Variants in ENDOD1 observed in about 807,000 individuals in gnomAD.
ENDOD1 encodes the protein endonuclease domain containing 1.
A neutral mutation model predicts 6.5 loss-of-function variants in ENDOD1; 9 were observed. That is an observed-to-expected ratio of 1.39 (90% CI 0.84 to 2.43). The LOEUF (loss-of-function observed/expected upper bound fraction) is 2.43, where lower values mean the gene tolerates loss of function less well. Among genes scored for constraint, ENDOD1 ranks in the 30% most tolerant of loss-of-function variants. The pLI, the probability that ENDOD1 is intolerant of heterozygous loss-of-function variation, is 0.00. For synonymous variants in ENDOD1, 255 were observed against 255.2 expected (o/e 1.00, Z 0.01); for missense variants, 648 against 635.5 (o/e 1.02, Z -0.21).
chr11:95,129,184 A>G lies in ENDOD1; in HGVS notation c.1108A>G (p.Asn370Asp), dbSNP rs1859344642. The change falls in exon 2 of 2, where the codon AAT (asparagine) becomes GAT (aspartate). Residue 370 changes from asparagine to aspartate, a missense_variant. Transcript: ENST00000278505. Reference sequence around the variant, plus strand: ...GTGGTGTGTTACCAAGCAGGTGATTAATGGCATAGAAAGTTGCCTTTACCG... The same window carrying G: ...GTGGTGTGTTACCAAGCAGGTGATTGATGGCATAGAAAGTTGCCTTTACCG... ...FLWCVTKQVI[N>D]GIESCLYRLG... 1.2e-6 allele frequency: 2 copies of G among 1,614,060 alleles called. No individual in the cohort carries two copies. The highest frequency in any genetic ancestry group is 2.2e-5 in the East Asian group (1 of 44,892).
intron 1 of ENDOD1, among the ~76,000 whole-genome samples, chr11:95,121,491 A>C (rs745726564): frequency 6.6e-6 from 1 of 152,232 alleles, no homozygotes; most frequent in Non-Finnish European, 1.5e-5. Flanking sequence ...CTCCTCTTGC[A>C]GTGCTAGTCA....
At position 95,132,356 on chromosome 11, in the gene ENDOD1, A is replaced by T. The variant is rs1001695772; in HGVS notation, c.*2777A>T. 6.6e-6 allele frequency: 1 copy of T among 152,648 alleles called. No homozygotes were observed. The highest frequency in any genetic ancestry group is 2.4e-5 in the African/African-American group (1 of 41,448). 9.5% of individuals were successfully genotyped at this position (152,648 alleles called of 1,614,324 possible). A position where few individuals can be genotyped will look rare whatever the true frequency, so the allele number is the denominator to read the frequency against. Reference sequence around the variant, plus strand: ...TCAGTCATTCGTTCATCTGTCAAACACGTATTTGGACATCAAGGTTGCAGA... The same window carrying T: ...TCAGTCATTCGTTCATCTGTCAAACTCGTATTTGGACATCAAGGTTGCAGA... On this transcript the variant is annotated 3_prime_UTR_variant, in exon 2 of 2. Transcript: ENST00000278505.
chr11:95,102,911 C>CA (rs1298525405), intron 1 of ENDOD1, among the ~76,000 whole-genome samples: 4 of 152,088 alleles, frequency 2.6e-5, no homozygotes, highest in Non-Finnish European at 5.9e-5. Flanking sequence ...TGGACTTTCC[C>CA]AGTTTTCAGA....
At chr11:95,109,220 T>A (rs112864198) in intron 1 of ENDOD1, among the ~76,000 whole-genome samples, 80 of 152,344 alleles carry the variant, frequency 5.3e-4, no homozygotes, top group African/African-American at 1.9e-3. Flanking sequence ...TACATGTGCT[T>A]ATCTAGCCTC....
intron 1 of ENDOD1, among the ~76,000 whole-genome samples, chr11:95,107,179 C>CTT (rs148502127): frequency 8.6e-5 from 13 of 150,440 alleles, no homozygotes; most frequent in African/African-American, 2.2e-4. Context: ...TGGAGGGGAA[C>CTT]TTTTTTTTTA....
At chr11:95,104,316 C>T (rs1387799287) in intron 1 of ENDOD1, among the ~76,000 whole-genome samples, 3 of 152,102 alleles carry the variant, frequency 2.0e-5, no homozygotes, top group African/African-American at 7.2e-5. Context: ...GGCATGGTGG[C>T]ACATGCCTGT....
intron 1 of ENDOD1, among the ~76,000 whole-genome samples, chr11:95,123,815 A>G (rs893393345): frequency 2.6e-5 from 4 of 152,182 alleles, no homozygotes; most frequent in African/African-American, 7.2e-5. Flanking sequence ...TGGTGGTTCC[A>G]TATTTGCTCT....
chr11:95,121,649 C>T (rs1386137580), intron 1 of ENDOD1, among the ~76,000 whole-genome samples: 1 of 152,122 alleles, frequency 6.6e-6, no homozygotes, highest in Non-Finnish European at 1.5e-5. Flanking sequence ...AAAAAAACTA[C>T]CTATGGATTT....
Position 95,131,247 on chromosome 11 carries a change from A to G in ENDOD1, c.*1668A>G, listed in dbSNP as rs1361620977. The G allele has an allele frequency of 6.6e-6, 1 of 152,206 alleles. No homozygotes were observed. The highest frequency in any genetic ancestry group is 2.4e-5 in the African/African-American group (1 of 41,438). The allele number at this position is 152,206 out of a possible 1,614,324, so 9.4% of individuals were successfully genotyped here. A position where few individuals can be genotyped will look rare whatever the true frequency, so the allele number is the denominator to read the frequency against. On this transcript the variant is annotated 3_prime_UTR_variant, in exon 2 of 2. Coordinates refer to ENST00000278505, the MANE Select transcript of ENDOD1 (RefSeq NM_015036.3). ...GCTTAGCTAAGAAACTTAAAGCAGT[A>G]TTTTACCAACTCTTGTCTTAGGGAG...
chr11:95,096,249 T>TTTTTTG (rs1858983765), intron 1 of ENDOD1, among the ~76,000 whole-genome samples: 1 of 146,738 alleles, frequency 6.8e-6, no homozygotes, highest in Non-Finnish European at 1.5e-5. Context: ...TTTTTTTTTT[T>TTTTTTG]TTTCAAATTT....
chr11:95,106,397 G>C (rs1859089609), intron 1 of ENDOD1, among the ~76,000 whole-genome samples: 1 of 152,300 alleles, frequency 6.6e-6, no homozygotes, highest in Admixed American at 6.5e-5. Context: ...GATGAGTGGG[G>C]GGATTGACCT....
Position 95,129,774 on chromosome 11 carries a change from G to A in ENDOD1, c.*195G>A. ...AATGCTCAGGGTGAGATTAGGTGTA[G>A]TAATCTGCTGTTTACCTCCAGTTAT... On this transcript the variant is annotated 3_prime_UTR_variant, in exon 2 of 2. Transcript: ENST00000278505. The A allele has an allele frequency of 5.0e-6, 3 of 598,182 alleles. No individual in the cohort carries two copies. Among genetic ancestry groups the A allele is most frequent in the Non-Finnish European group, 8.7e-6 (3 of 345,362 alleles). The allele number at this position is 598,182 out of a possible 1,614,324, so 37.1% of individuals were successfully genotyped here. A position where few individuals can be genotyped will look rare whatever the true frequency, so the allele number is the denominator to read the frequency against.
intron 1 of ENDOD1, among the ~76,000 whole-genome samples, chr11:95,118,850 A>C (rs1030162921): frequency 1.3e-5 from 2 of 151,750 alleles, no homozygotes; most frequent in Admixed American, 6.6e-5. Flanking sequence ...ATTGTTTTTT[A>C]TTCTTTTTCT....
At position 95,129,394 on chromosome 11, in the gene ENDOD1, T is replaced by G; in HGVS notation, c.1318T>G (p.Phe440Val). 1 of 1,614,216 alleles carries G rather than the reference T, an allele frequency of 6.2e-7. No homozygotes were observed. Reference sequence around the variant, plus strand: ...CCGTGTCCTTGTGGATGTGGCCACTTTCCCTGTGTACACCATGGGCGCTAT... The same window carrying G: ...CCGTGTCCTTGTGGATGTGGCCACTGTCCCTGTGTACACCATGGGCGCTAT... ...PVRVLVDVAT[F>V]PVYTMGAIPI... Residue 440 changes from phenylalanine (F) to valine (V), a missense_variant, in exon 2 of 2, where the codon TTC (phenylalanine) becomes GTC (valine). By Grantham distance (50) the Phe-to-Val change is conservative. Coordinates refer to ENST00000278505, the MANE Select transcript of ENDOD1 (RefSeq NM_015036.3).
intron 1 of ENDOD1, among the ~76,000 whole-genome samples, chr11:95,121,422 T>C (rs912053188): frequency 6.6e-6 from 1 of 152,050 alleles, no homozygotes; most frequent in Non-Finnish European, 1.5e-5. Flanking sequence ...CATAGAAGAG[T>C]GTTTGGCATA....
At chr11:95,114,214 T>C (rs1555112237) in intron 1 of ENDOD1, among the ~76,000 whole-genome samples, 1 of 152,198 alleles carries the variant, frequency 6.6e-6, no homozygotes, top group Admixed American at 6.5e-5. Flanking sequence ...CCTCCTGGGC[T>C]CAAGTGATCT....
In ENDOD1 at chr11:95,129,854, A is replaced by T; in HGVS notation, c.*275A>T. 1 of 322,236 alleles carries T rather than the reference A, an allele frequency of 3.1e-6. No homozygotes were observed. Among genetic ancestry groups the T allele is most frequent in the South Asian group, 6.1e-5 (1 of 16,308 alleles). 20.0% of individuals were successfully genotyped at this position (322,236 alleles called of 1,614,324 possible). A position where few individuals can be genotyped will look rare whatever the true frequency, so the allele number is the denominator to read the frequency against. On this transcript the variant is annotated 3_prime_UTR_variant, in exon 2 of 2. Coordinates refer to ENST00000278505, the MANE Select transcript of ENDOD1 (RefSeq NM_015036.3). Reference sequence around the variant, plus strand: ...TCAGTTATGCACTCTAACACAGACGACCACCTGAAATGCACTGGTATTTAT... The same window carrying T: ...TCAGTTATGCACTCTAACACAGACGTCCACCTGAAATGCACTGGTATTTAT...
intron 1 of ENDOD1, among the ~76,000 whole-genome samples, chr11:95,094,889 A>T (rs1001801147): frequency 1.3e-5 from 2 of 152,226 alleles, no homozygotes; most frequent in African/African-American, 4.8e-5. Flanking sequence ...GGATCTGTTC[A>T]TTAAAGGTTG....
intron 1 of ENDOD1, among the ~76,000 whole-genome samples, chr11:95,121,006 A>G (rs1389385364): frequency 6.6e-6 from 1 of 152,140 alleles, no homozygotes; most frequent in East Asian, 1.9e-4. Flanking sequence ...CCCAGTACAT[A>G]GAATTACCCT....
Sources: gnomAD v4.1 joint callset for allele counts (sites outside exome capture counted in the v4.1 genomes callset) on GRCh38, gnomAD v4.1.1 for gene constraint, MANE v1.5 for transcripts, NCBI Gene and HGNC (gene_info 2026-07-23, HGNC 2026-07-21) for gene names.